WNT7B: variants seen among roughly 807,000 people sequenced by gnomAD.
WNT7B encodes Wnt family member 7B, also known as protein Wnt-7b.
A neutral mutation model predicts 38.2 loss-of-function variants in WNT7B; 19 were observed. The observed-to-expected ratio is 0.50, with a 90% CI of 0.35 to 0.73. The LOEUF (loss-of-function observed/expected upper bound fraction) is 0.73, where lower values mean the gene tolerates loss of function less well. Among genes scored for constraint, WNT7B ranks in the 30% least tolerant of loss-of-function variants. WNT7B has a pLI of 0.01. For synonymous variants in WNT7B, 243 were observed against 209.3 expected (o/e 1.16, Z -1.39); for missense variants, 423 against 507.9 (o/e 0.83, Z 1.61).
At chr22:45,946,034 C>T (rs1485308017) in intron 2 of WNT7B, among the ~76,000 whole-genome samples, 2 of 151,354 alleles carry the variant, frequency 1.3e-5, no homozygotes, top group Non-Finnish European at 2.9e-5. Flanking sequence ...GCCCCAGGCC[C>T]AGGCCCGTGG....
At chr22:45,937,377 G>A (rs1226883380) in intron 2 of WNT7B, among the ~76,000 whole-genome samples, 1 of 152,228 alleles carries the variant, frequency 6.6e-6, no homozygotes, top group Non-Finnish European at 1.5e-5. Context: ...ACCTCAGACT[G>A]GTGAAGGGGC....
chr22:45,958,152 C>G (rs537134432), intron 1 of WNT7B, among the ~76,000 whole-genome samples: 2 of 152,370 alleles, frequency 1.3e-5, no homozygotes, highest in African/African-American at 4.8e-5. Context: ...AGGAGCAGGG[C>G]CCGTCAGCAG....
chr22:45,935,780 C>G, intron 2 of WNT7B: 1 of 979,222 alleles, frequency 1.0e-6, no homozygotes, highest in Non-Finnish European at 1.2e-6. Context: ...ATGGGAAAAC[C>G]GAGCCTTCAA....
chr22:45,946,344 C>T (rs530293259), intron 2 of WNT7B, among the ~76,000 whole-genome samples: 18 of 152,316 alleles, frequency 1.2e-4, no homozygotes, highest in East Asian at 9.7e-4. Flanking sequence ...TCACCCCCTC[C>T]GGGAAGCCCT....
intron 1 of WNT7B, chr22:45,972,308 G>T: frequency 1.9e-6 from 1 of 513,176 alleles, no homozygotes; most frequent in South Asian, 2.6e-5. Context: ...TGAGGCCGGG[G>T]TCCCCGCGGA....
rs1379800194 is a variant in WNT7B at position 45,976,448 on chromosome 22, C to A, written c.71+236G>T. Among the ~76,000 whole-genome samples, 1 of 151,936 alleles carries A rather than the reference C, an allele frequency of 6.6e-6. No individual in the cohort carries two copies. Among genetic ancestry groups the A allele is most frequent in the African/African-American group, 2.4e-5 (1 of 41,412 alleles). ...GCTACCCGCGAGCCCGGCCGGACCG[C>A]CCGCGCGCCCCGCTCTCTCTCCTCC... is the stretch of plus-strand genomic sequence containing the variant. On this transcript the variant is annotated intron_variant, in intron 1 of 3. Coordinates refer to ENST00000339464, the MANE Select transcript of WNT7B (RefSeq NM_058238.3). The surrounding 1 kb of genome is among the most constrained non-coding windows in gnomAD (Gnocchi z 8.5).
intron 3 of WNT7B, among the ~76,000 whole-genome samples, chr22:45,929,371 C>CCCATCCACCCACTCACCCATCCATCCTT (rs939568893): frequency 6.6e-6 from 1 of 151,948 alleles, no homozygotes; most frequent in African/African-American, 2.4e-5. Flanking sequence ...CATCTATTCA[C>CCCATCCACCCACTCACCCATCCATCCTT]CCATCCACCC....
At chr22:45,942,580 C>T (rs766245865) in intron 2 of WNT7B, among the ~76,000 whole-genome samples, 4 of 152,228 alleles carry the variant, frequency 2.6e-5, no homozygotes, top group Non-Finnish European at 1.5e-5. Context: ...GCAATCCTGA[C>T]CTGGACCAGC....
intron 1 of WNT7B, among the ~76,000 whole-genome samples, chr22:45,952,813 G>A (rs1931965148): frequency 6.6e-6 from 1 of 152,188 alleles, no homozygotes; most frequent in South Asian, 2.1e-4. Flanking sequence ...ACCCGGATCT[G>A]ACCAAGTCCG....
intron 2 of WNT7B, among the ~76,000 whole-genome samples, chr22:45,944,516 G>C (rs532895918): frequency 6.6e-6 from 1 of 152,228 alleles, no homozygotes; most frequent in Non-Finnish European, 1.5e-5. Flanking sequence ...CCAGTTGTCC[G>C]TACAGTCCTG....
chr22:45,962,476 C>T (rs1439100438), intron 1 of WNT7B, among the ~76,000 whole-genome samples: 1 of 152,220 alleles, frequency 6.6e-6, no homozygotes, highest in Non-Finnish European at 1.5e-5. Context: ...ACCTTGCTCC[C>T]TCCAGCAGCC....
intron 1 of WNT7B, among the ~76,000 whole-genome samples, chr22:45,957,960 T>C (rs1230962810): frequency 6.6e-6 from 1 of 152,196 alleles, no homozygotes; most frequent in African/African-American, 2.4e-5. Context: ...CTCTGGACCC[T>C]GAATGCGGGC....
rs1322595405 is a variant in WNT7B at position 45,954,704 on chromosome 22, T to C, written c.72-4558A>G. On this transcript the variant is annotated intron_variant, in intron 1 of 3. Transcript: ENST00000339464. Reference sequence around the variant, plus strand: ...TGTGCCAGGAGTATAAATAGTTAGATGTGGTTGATAATTCAGAAACAATTT... The same window carrying C: ...TGTGCCAGGAGTATAAATAGTTAGACGTGGTTGATAATTCAGAAACAATTT... The C allele has an allele frequency of 7.1e-6, 7 of 985,274 alleles. No homozygotes were observed. In the South Asian group the frequency reaches 3.3e-4, roughly 46 times the overall value. 61.0% of individuals were successfully genotyped at this position (985,274 alleles called of 1,614,324 possible). A position where few individuals can be genotyped will look rare whatever the true frequency, so the allele number is the denominator to read the frequency against.
chr22:45,927,446 G>A lies in WNT7B; in HGVS notation c.570+3652C>T, dbSNP rs1601714771. ...GGGCCACATGCCAGCTAGGGGAACG[G>A]CATAGCAACCCCCCAAATTCATGTC... is the stretch of plus-strand genomic sequence containing the variant. On this transcript the variant is annotated intron_variant, in intron 3 of 3. Transcript: ENST00000339464. The A allele has an allele frequency of 2.6e-6, 4 of 1,547,594 alleles. No homozygotes were observed. In the East Asian group the frequency reaches 9.8e-5, roughly 38 times the overall value.
At chr22:45,972,793 C>G (rs906160624) in intron 1 of WNT7B, 1 of 152,484 alleles carries the variant, frequency 6.6e-6, no homozygotes, top group African/African-American at 2.4e-5. Flanking sequence ...CCCGGGGGAA[C>G]TGCGCGGAGG....
intron 2 of WNT7B, among the ~76,000 whole-genome samples, chr22:45,942,721 G>A (rs1931680432): frequency 6.6e-6 from 1 of 152,246 alleles, no homozygotes; most frequent in Non-Finnish European, 1.5e-5. Flanking sequence ...AGTTGAGGCA[G>A]TGGAGGGCTC....
At chr22:45,972,116 G>GGGCCCCCCCCCCCCCCCCCCCC in intron 1 of WNT7B, 2 of 530,738 alleles carry the variant, frequency 3.8e-6, no homozygotes, top group East Asian at 3.7e-5. Context: ...CCCGGGGGGA[G>GGGCCCCCCCCCCCCCCCCCCCC]CCCACCCGCC....
intron 2 of WNT7B, among the ~76,000 whole-genome samples, chr22:45,935,464 G>A (rs1931491819): frequency 6.6e-6 from 1 of 152,184 alleles, no homozygotes; most frequent in Admixed American, 6.5e-5. Flanking sequence ...TGCCCTGGGG[G>A]ACAGCAGCCC....
rs546076915 is a variant in WNT7B at position 45,965,761 on chromosome 22, C to T, written c.71+10923G>A. ...CTGCACCTCTGGTCCCAAAGCTAAA[C>T]TTGGAGGCAGCCCCTGCAACCTTGA... On this transcript the variant is annotated intron_variant, in intron 1 of 3. Coordinates refer to ENST00000339464, the MANE Select transcript of WNT7B (RefSeq NM_058238.3). This position sits in a 1 kb window ranked among gnomAD's most constrained non-coding sequence, Gnocchi z 6.5. 1.1e-3 allele frequency among the ~76,000 whole-genome samples: 174 copies of T among 152,310 alleles called. No individual in the cohort carries two copies. Among genetic ancestry groups the T allele is most frequent in the African/African-American group, 4.0e-3 (165 of 41,570 alleles).
Sources: gnomAD v4.1 joint callset for allele counts (sites outside exome capture counted in the v4.1 genomes callset) on GRCh38, gnomAD v4.1.1 for gene constraint, Gnocchi (gnomAD v3.1) non-coding constraint, MANE v1.5 for transcripts, NCBI Gene and HGNC (gene_info 2026-07-23, HGNC 2026-07-21) for gene names.